Variants in HS3ST4 observed in about 807,000 individuals in gnomAD.
The protein encoded by HS3ST4 is heparan sulfate-glucosamine 3-sulfotransferase 4, also known as heparan sulfate glucosamine 3-O-sulfotransferase 4.
HS3ST4 carries 17 observed loss-of-function variants against 29.2 expected under a neutral mutation model. The observed-to-expected ratio is 0.58, with a 90% CI of 0.40 to 0.87. HS3ST4 has a LOEUF of 0.87. Among genes scored for constraint, HS3ST4 ranks in the 40% least tolerant of loss-of-function variants. The pLI, the probability that HS3ST4 is intolerant of heterozygous loss-of-function variation, is 0.00. For synonymous variants in HS3ST4, 314 were observed against 285.7 expected (o/e 1.10, Z -1.00); for missense variants, 627 against 634.5 (o/e 0.99, Z 0.13).
At chr16:25,925,598 G>A (rs754321605) in intron 1 of HS3ST4, among the ~76,000 whole-genome samples, 1 of 152,170 alleles carries the variant, frequency 6.6e-6, no homozygotes, top group African/African-American at 2.4e-5. Flanking sequence ...TCCCCTAAGT[G>A]CCAGTGACGG....
intron 1 of HS3ST4, among the ~76,000 whole-genome samples, chr16:26,069,405 G>A (rs1486887095): frequency 6.6e-6 from 1 of 152,094 alleles, no homozygotes; most frequent in African/African-American, 2.4e-5. Flanking sequence ...GGCACCAAGG[G>A]GTCTTCTGAG....
At chr16:25,815,833 C>T (rs1000781282) in intron 1 of HS3ST4, among the ~76,000 whole-genome samples, 1 of 152,178 alleles carries the variant, frequency 6.6e-6, no homozygotes, top group Non-Finnish European at 1.5e-5. Context: ...AGCCTCCACT[C>T]AGCTCCAGCC....
At chr16:26,013,005 A>T (rs926138895) in intron 1 of HS3ST4, among the ~76,000 whole-genome samples, 2 of 151,938 alleles carry the variant, frequency 1.3e-5, no homozygotes, top group Non-Finnish European at 2.9e-5. Context: ...TCTACTAAAA[A>T]TACAAAAATT....
chr16:25,875,135 C>G (rs1434381536), intron 1 of HS3ST4, among the ~76,000 whole-genome samples: 1 of 152,112 alleles, frequency 6.6e-6, no homozygotes, highest in Non-Finnish European at 1.5e-5. Flanking sequence ...GAGTATTAGA[C>G]AGATAATTAA....
In HS3ST4 at chr16:25,750,213, A is replaced by G. The variant is rs116169082; in HGVS notation, c.734+57062A>G. 8.1e-3 allele frequency among the ~76,000 whole-genome samples: 1,241 copies of G among 152,278 alleles called. 15 individuals carry two copies. Among genetic ancestry groups the G allele is most frequent in the African/African-American group, 0.028 (1,173 of 41,566 alleles). ...GCGTTTCTACATATGGCCTCTCCATATGGCTTGGGCTTCCTCACAGCATGG... is the reference window on the plus strand; with the variant it reads ...GCGTTTCTACATATGGCCTCTCCATGTGGCTTGGGCTTCCTCACAGCATGG... On this transcript the variant is annotated intron_variant, in intron 1 of 1. Transcript: ENST00000331351.
At chr16:25,878,815 C>G (rs1163641829) in intron 1 of HS3ST4, among the ~76,000 whole-genome samples, 1 of 152,086 alleles carries the variant, frequency 6.6e-6, no homozygotes, top group Non-Finnish European at 1.5e-5. Context: ...TTTTATCAAC[C>G]TTTATTCAAA....
intron 1 of HS3ST4, among the ~76,000 whole-genome samples, chr16:25,810,493 A>G (rs1168123100): frequency 2.0e-5 from 3 of 151,920 alleles, no homozygotes; most frequent in Non-Finnish European, 2.9e-5. Context: ...TGTTTTGTTG[A>G]GCTCTACTTC....
chr16:26,121,930 T>G (rs1179946123), intron 1 of HS3ST4, among the ~76,000 whole-genome samples: 1 of 152,158 alleles, frequency 6.6e-6, no homozygotes, highest in Non-Finnish European at 1.5e-5. Flanking sequence ...CAGGTGAAAT[T>G]TGTTCCATAA....
chr16:25,812,703 C>CTTTTTTTT (rs11382075), intron 1 of HS3ST4, among the ~76,000 whole-genome samples: 1 of 146,596 alleles, frequency 6.8e-6, no homozygotes, highest in Non-Finnish European at 1.5e-5. Flanking sequence ...AAAGTACTTC[C>CTTTTTTTT]TTTTTTTTTT....
At chr16:25,992,860 G>T (rs1969126232) in intron 1 of HS3ST4, among the ~76,000 whole-genome samples, 1 of 152,206 alleles carries the variant, frequency 6.6e-6, no homozygotes, top group Non-Finnish European at 1.5e-5. Flanking sequence ...ATGGTGCAGG[G>T]AGTAATTTTG....
chr16:25,989,790 C>T (rs7195821), intron 1 of HS3ST4, among the ~76,000 whole-genome samples: 28,664 of 152,068 alleles, frequency 0.19, 2,808 homozygotes, highest in Middle Eastern at 0.22. Context: ...TGTTCTACCC[C>T]AGGCACATAA....
chr16:25,916,273 G>T (rs1021706769), intron 1 of HS3ST4, among the ~76,000 whole-genome samples: 13 of 152,172 alleles, frequency 8.5e-5, no homozygotes, highest in Non-Finnish European at 1.5e-4. Context: ...GGCCATGCAG[G>T]CTCAAGTAAC....
At chr16:26,063,268 T>C (rs1335150479) in intron 1 of HS3ST4, among the ~76,000 whole-genome samples, 1 of 152,138 alleles carries the variant, frequency 6.6e-6, no homozygotes, top group African/African-American at 2.4e-5. Flanking sequence ...AGCATTTCTA[T>C]CATCCCCAAC....
At chr16:26,096,456 A>G (rs1898926924) in intron 1 of HS3ST4, among the ~76,000 whole-genome samples, 1 of 152,170 alleles carries the variant, frequency 6.6e-6, no homozygotes, top group South Asian at 2.1e-4. Flanking sequence ...GAATCAATAA[A>G]CATAATCCAT....
chr16:25,880,116 C>G (rs1967878588), intron 1 of HS3ST4, among the ~76,000 whole-genome samples: 1 of 152,176 alleles, frequency 6.6e-6, no homozygotes, highest in African/African-American at 2.4e-5. Flanking sequence ...TACAATTATT[C>G]AAACCCAGAC....
chr16:26,041,151 A>C (rs1481089139), intron 1 of HS3ST4, among the ~76,000 whole-genome samples: 5 of 152,176 alleles, frequency 3.3e-5, no homozygotes, highest in Non-Finnish European at 5.9e-5. Flanking sequence ...CAGTCTGGGC[A>C]ACACAGTGAG....
At chr16:26,005,512 T>A (rs1055921239) in intron 1 of HS3ST4, among the ~76,000 whole-genome samples, 3 of 152,114 alleles carry the variant, frequency 2.0e-5, no homozygotes, top group Non-Finnish European at 4.4e-5. Flanking sequence ...AAACCAGGAT[T>A]TGTTTACATT....
intron 1 of HS3ST4, among the ~76,000 whole-genome samples, chr16:26,075,045 T>C (rs554903665): frequency 1.3e-5 from 2 of 152,174 alleles, no homozygotes; most frequent in South Asian, 4.2e-4. Flanking sequence ...ATACAAAAAT[T>C]AGCTGGGCGT....
chr16:25,944,674 T>C (rs2141693912), intron 1 of HS3ST4, among the ~76,000 whole-genome samples: 1 of 152,292 alleles, frequency 6.6e-6, no homozygotes, highest in Non-Finnish European at 1.5e-5. Context: ...GTGGGTGTGG[T>C]CCCATGGGTG....
Sources: gnomAD v4.1 joint callset for allele counts (sites outside exome capture counted in the v4.1 genomes callset) on GRCh38, gnomAD v4.1.1 for gene constraint, MANE v1.5 for transcripts, NCBI Gene and HGNC (gene_info 2026-07-23, HGNC 2026-07-21) for gene names.